Variants in TASOR2 observed in about 807,000 individuals in gnomAD.
TASOR2 encodes the protein transcription activation suppressor family member 2, also known as protein TASOR 2.
TASOR2 carries 84 observed loss-of-function variants against 199.5 expected under a neutral mutation model. The ratio of observed to expected loss-of-function variants is 0.42; its 90% CI spans 0.35 to 0.50. The LOEUF is 0.50. Among genes scored for constraint, TASOR2 ranks in the 20% least tolerant of loss-of-function variants. The probability of loss-of-function intolerance (pLI) is 0.02; values close to 1 mark genes in which losing one functional copy is unlikely to be tolerated. For missense variants in TASOR2, 2,796 were observed against 2,835.9 expected (o/e 0.99, Z 0.32); for synonymous variants, 1,103 against 1,046.6 (o/e 1.05, Z -1.04).
rs80173886 is a variant in TASOR2, at chr10:5,688,228, T to C, written c.-288+3053T>C. Among the ~76,000 whole-genome samples, 254 of 152,242 alleles carry C rather than the reference T, an allele frequency of 1.7e-3. 6 individuals are homozygous for C. The highest frequency in any genetic ancestry group is 0.012 in the East Asian group (64 of 5,190). Reference sequence around the variant, plus strand: ...AACCTAACAGTTTTGTGTTTTTGTTTCTGTTTTGTTTTTTAGGACAGTGTC... The same window carrying C: ...AACCTAACAGTTTTGTGTTTTTGTTCCTGTTTTGTTTTTTAGGACAGTGTC... On this transcript the variant is annotated intron_variant, in intron 1 of 20. Transcript: ENST00000328090.
rs1400726420 is a variant in TASOR2 at position 5,748,042 on chromosome 10, TCTC to T, written c.4624_4626del (p.Pro1542del). 18 of 1,613,986 alleles carry T rather than the reference TCTC, an allele frequency of 1.1e-5. No homozygotes were observed. Among genetic ancestry groups the T allele is most frequent in the African/African-American group, 6.7e-5 (5 of 74,908 alleles). On this transcript the variant is annotated inframe_deletion, in exon 15 of 21. Transcript: ENST00000328090. This position sits in a 1 kb window ranked among gnomAD's most constrained non-coding sequence, Gnocchi z 5.1. ...CAAATGCACAGGTGACTTCAGTCCTTCTCCTGAAAAACTGGTAAAATCAGGAAA... is the reference window on the plus strand; with the variant it reads ...CAAATGCACAGGTGACTTCAGTCCTTCTGAAAAACTGGTAAAATCAGGAAA...
exon 11 of TASOR2, chr10:5,731,155 A>G (rs199920711): frequency 2.5e-6 from 4 of 1,609,778 alleles, no homozygotes; most frequent in Middle Eastern, 1.6e-4. Flanking sequence ...GGACTCTCCA[A>G]CAACTCTTAA....
At chr10:5,761,757 G>C (rs61832759) in intron 19 of TASOR2, 24,642 of 229,644 alleles carry the variant, frequency 0.11, 1,489 homozygotes, top group East Asian at 0.15. Context: ...ACTGGGGCTG[G>C]GTGCAGTGGC....
intron 1 of TASOR2, among the ~76,000 whole-genome samples, chr10:5,696,934 A>C (rs1837231672): frequency 6.6e-6 from 1 of 152,222 alleles, no homozygotes. Context: ...TAGATAATAA[A>C]GCTGAAGAAT....
At chr10:5,712,685 T>A in intron 1 of TASOR2, 138 bp from the exon 2 acceptor site, 1 of 762,388 alleles carries the variant, frequency 1.3e-6, no homozygotes, top group Non-Finnish European at 1.8e-6. Context: ...GGAAGGTAAT[T>A]ATTCTAGGGA....
In TASOR2 at chr10:5,747,699, A is replaced by G. The variant is rs115617786; in HGVS notation, c.4278A>G (p.Lys1426=). The G allele has an allele frequency of 1.1e-3, 1,703 of 1,614,158 alleles. 8 individuals are homozygous for G. The African/African-American group carries it at 0.018, about 17-fold the overall frequency. The change falls in exon 15 of 21, where the codon AAA becomes AAG. Residue 1426 remains lysine, a synonymous_variant. Transcript: ENST00000328090. ...AGGCTGTGACTCCATGCATTTTAAA[A>G]CTTCATGGTACACAGTGTGAGAAGA...
At chr10:5,749,009 C>A (rs372547364) in exon 15 of TASOR2, 7 of 1,614,136 alleles carry the variant, frequency 4.3e-6, no homozygotes, top group East Asian at 2.2e-5. Context: ...GATGTTCCCA[C>A]AGATGGCTAT....
intron 7 of TASOR2, among the ~76,000 whole-genome samples, chr10:5,724,181 A>G (rs1189164604): frequency 2.0e-5 from 1 of 50,602 alleles, no homozygotes; most frequent in African/African-American, 8.6e-5. Context: ...ACTGATGTTT[A>G]TTCATGTAGT....
At chr10:5,696,691 A>G (rs1273387221) in intron 1 of TASOR2, among the ~76,000 whole-genome samples, 1 of 152,158 alleles carries the variant, frequency 6.6e-6, no homozygotes, top group Non-Finnish European at 1.5e-5. Context: ...TTGAGTATAA[A>G]TGTACAGCCA....
chr10:5,757,686 T>C lies in TASOR2; in HGVS notation c.6886+13T>C. 6.2e-7 allele frequency: 1 copy of C among 1,611,258 alleles called. No homozygotes were observed. ...GCTGTAACATTAGGTTGGTCTTTATTTTCTTTTCCTGTTTCTTTGAAGTCA... is the reference window on the plus strand; with the variant it reads ...GCTGTAACATTAGGTTGGTCTTTATCTTCTTTTCCTGTTTCTTTGAAGTCA... On this transcript the variant is annotated intron_variant, in intron 17 of 20. Coordinates refer to ENST00000328090, the Ensembl canonical transcript of TASOR2.
chr10:5,731,223 G>C lies in TASOR2; in HGVS notation c.1204+20G>C, dbSNP rs79698183. 8.8e-6 allele frequency: 14 copies of C among 1,590,196 alleles called. No homozygotes were observed. The highest frequency in any genetic ancestry group is 1.2e-5 in the Non-Finnish European group (14 of 1,174,100). On this transcript the variant is annotated intron_variant, in intron 11 of 20. Transcript: ENST00000328090. ...AAAGAGGTAAGCACGATTTATTTAT[G>C]TGGGTTATTATAATAATAGTTGTGG...
chr10:5,728,354 C>T (rs1834331641), intron 10 of TASOR2, among the ~76,000 whole-genome samples: 1 of 151,818 alleles, frequency 6.6e-6, no homozygotes, highest in Non-Finnish European at 1.5e-5. Context: ...AATTCAGTTA[C>T]TGGCTAGGCA....
exon 15 of TASOR2, chr10:5,746,915 C>G (rs78658114): frequency 1.9e-6 from 3 of 1,614,218 alleles, no homozygotes; most frequent in Non-Finnish European, 2.5e-6. Context: ...CTATCATTAG[C>G]TAAAAGTTCT....
chr10:5,696,585 G>T (rs1327967017), intron 1 of TASOR2, among the ~76,000 whole-genome samples: 2 of 152,040 alleles, frequency 1.3e-5, no homozygotes, highest in African/African-American at 4.8e-5. Context: ...TCAACTCCTG[G>T]GCTTGTGATC....
rs1833255573 is a variant in TASOR2 at position 5,720,795 on chromosome 10, T to C, written c.46+21T>C. 6.2e-7 allele frequency: 1 copy of C among 1,602,250 alleles called. No homozygotes were observed. The highest frequency in any genetic ancestry group is 1.4e-5 in the African/African-American group (1 of 74,072). On this transcript the variant is annotated intron_variant, in intron 5 of 20. Coordinates refer to ENST00000328090, the Ensembl canonical transcript of TASOR2. The surrounding 1 kb of genome is among the most constrained non-coding windows in gnomAD (Gnocchi z 5.3). ...AAATGGTAAGAAATAGTTCATTGAT[T>C]CTTTTAGGTTTTTTTTTTCTTGAGT... is the stretch of plus-strand genomic sequence containing the variant.
At chr10:5,724,189 A>AATAT (rs1833734598) in intron 7 of TASOR2, among the ~76,000 whole-genome samples, 1 of 151,646 alleles carries the variant, frequency 6.6e-6, no homozygotes, top group African/African-American at 2.4e-5. Context: ...TTATTCATGT[A>AATAT]GTATTTGTAT....
Position 5,724,475 on chromosome 10 carries a change from C to A in TASOR2, c.293C>A (p.Ser98Ter). The change falls in exon 8 of 21, where the codon TCA becomes TAA. Residue 98 changes from serine to a stop codon, truncating the protein, a stop_gained. Coordinates refer to ENST00000328090, the Ensembl canonical transcript of TASOR2. LOFTEE classifies it high-confidence loss of function. ...TTCAATTTGTATGAGGTAGAACTGT[C>A]AAACAGACAAGGGGAAAATATAGAT... The A allele has an allele frequency of 1.3e-6, 2 of 1,534,262 alleles. No individual in the cohort carries two copies. Among genetic ancestry groups the A allele is most frequent in the South Asian group, 2.6e-5 (2 of 77,252 alleles).
In TASOR2 at chr10:5,739,533, T is replaced by C. The variant is rs896357610; in HGVS notation, c.1448-85T>C. 1.6e-4 allele frequency: 207 copies of C among 1,316,784 alleles called. 1 individual carries two copies. Among genetic ancestry groups the C allele is most frequent in the Non-Finnish European group, 2.1e-4 (201 of 968,198 alleles). 81.6% of individuals were successfully genotyped at this position (1,316,784 alleles called of 1,614,324 possible). A position where few individuals can be genotyped will look rare whatever the true frequency, so the allele number is the denominator to read the frequency against. On this transcript the variant is annotated intron_variant, in intron 12 of 20. Transcript: ENST00000328090. ...GTTACATAAGTTTTTCTCAGACATG[T>C]TGAATTAACCATCATAGTAATATGG...
chr10:5,694,531 A>G (rs183160048), intron 1 of TASOR2, among the ~76,000 whole-genome samples: 64 of 152,322 alleles, frequency 4.2e-4, no homozygotes, highest in Non-Finnish European at 6.9e-4. Context: ...GAAGATGACC[A>G]TTGTTTAAAT....
Sources: gnomAD v4.1 joint callset for allele counts (sites outside exome capture counted in the v4.1 genomes callset) on GRCh38, gnomAD v4.1.1 for gene constraint, Gnocchi (gnomAD v3.1) non-coding constraint, MANE v1.5 for transcripts, NCBI Gene and HGNC (gene_info 2026-07-23, HGNC 2026-07-21) for gene names.